AKT3: variants seen among roughly 807,000 people sequenced by gnomAD.
AKT3 encodes RAC-gamma serine/threonine-protein kinase.
AKT3 carries 15 observed loss-of-function variants against 65.3 expected under a neutral mutation model. The observed-to-expected ratio is 0.23, with a 90% CI of 0.15 to 0.35. The LOEUF (loss-of-function observed/expected upper bound fraction) is 0.35. AKT3 is among the 10% of genes least tolerant of loss of function. The pLI is 1.00. For missense variants in AKT3, 243 were observed against 576.5 expected (o/e 0.42, Z 5.92); for synonymous variants, 206 against 183.8 (o/e 1.12, Z -0.98).
At chr1:243,640,604 G>A (rs1680303779) in intron 5 of AKT3, among the ~76,000 whole-genome samples, 1 of 152,148 alleles carries the variant, frequency 6.6e-6, no homozygotes, top group South Asian at 2.1e-4. Flanking sequence ...GACCCTGGAA[G>A]ATAAATTACC....
At chr1:243,534,887 G>A (rs1040615613) in intron 12 of AKT3, among the ~76,000 whole-genome samples, 11 of 151,776 alleles carry the variant, frequency 7.2e-5, no homozygotes, top group African/African-American at 1.7e-4. Flanking sequence ...AGAAAAGATC[G>A]AAAACAAATA....
Position 243,771,034 on chromosome 1 carries a change from G to A in AKT3, c.46+72091C>T, listed in dbSNP as rs554265631. Among the ~76,000 whole-genome samples the A allele has an allele frequency of 7.2e-5, 11 of 152,296 alleles. No homozygotes were observed. The East Asian group carries it at 2.1e-3, about 29-fold the overall frequency. The stretch of plus-strand genomic sequence containing the variant: ...ATTTCAGGGAAAAAGGAAGAGGCTA[G>A]ATGTTCAAGCTAAATACTGCATTCA... On this transcript the variant is annotated intron_variant, in intron 2 of 13. Transcript: ENST00000673466.
At chr1:243,780,449 T>C (rs1379565778) in intron 2 of AKT3, among the ~76,000 whole-genome samples, 1 of 151,966 alleles carries the variant, frequency 6.6e-6, no homozygotes, top group Non-Finnish European at 1.5e-5. Context: ...ACCACTTTTG[T>C]TTCAGGAAAC....
chr1:243,604,359 C>A (rs1677237615), intron 8 of AKT3, among the ~76,000 whole-genome samples: 1 of 152,182 alleles, frequency 6.6e-6, no homozygotes. Context: ...TGCTCCACTG[C>A]CTTCATCTAA....
At chr1:243,743,643 T>C (rs1335034526) in intron 2 of AKT3, among the ~76,000 whole-genome samples, 1 of 152,168 alleles carries the variant, frequency 6.6e-6, no homozygotes, top group East Asian at 1.9e-4. Flanking sequence ...TGTCATAAAA[T>C]TTTTTTAGTA....
At chr1:243,777,022 G>C (rs1690596069) in intron 2 of AKT3, among the ~76,000 whole-genome samples, 1 of 152,152 alleles carries the variant, frequency 6.6e-6, no homozygotes. Flanking sequence ...GTTAAATAAA[G>C]TAAAACAAGG....
At position 243,600,072 on chromosome 1, in the gene AKT3, A is replaced by G. The variant is rs373141915; in HGVS notation, c.696+13599T>C. ...ACCATTTATAACTTAAAAACATAAAATAATTATAAAGTATCCCTAAGGATA... is the reference window on the plus strand; with the variant it reads ...ACCATTTATAACTTAAAAACATAAAGTAATTATAAAGTATCCCTAAGGATA... On this transcript the variant is annotated intron_variant, in intron 8 of 13. Transcript: ENST00000673466. 2.0e-3 allele frequency among the ~76,000 whole-genome samples: 307 copies of G among 152,264 alleles called. 1 individual carries two copies. Among genetic ancestry groups the G allele is most frequent in the Non-Finnish European group, 3.1e-3 (210 of 67,970 alleles).
At chr1:243,490,550 G>A (rs1441097904) in intron 13 of AKT3, among the ~76,000 whole-genome samples, 1 of 152,214 alleles carries the variant, frequency 6.6e-6, no homozygotes, top group Non-Finnish European at 1.5e-5. Context: ...CCCTGCCCCC[G>A]CTTCGGACAA....
chr1:243,503,604 T>C lies in AKT3; in HGVS notation c.*1645A>G, dbSNP rs1669477441. 1 of 233,032 alleles carries C rather than the reference T, an allele frequency of 4.3e-6. No homozygotes were observed. The allele number at this position is 233,032 out of a possible 1,614,324, so 14.4% of individuals were successfully genotyped here. ...ACCAAAGGGTTTAATCTGAAGATCA[T>C]CATTAATGAAGGAGAAAGATGAGGT... On this transcript the variant is annotated 3_prime_UTR_variant, in exon 14 of 14. Coordinates refer to ENST00000673466, the MANE Select transcript of AKT3 (RefSeq NM_005465.7).
intron 3 of AKT3, among the ~76,000 whole-genome samples, chr1:243,680,542 A>G (rs1683836911): frequency 6.6e-6 from 1 of 152,040 alleles, no homozygotes; most frequent in African/African-American, 2.4e-5. Context: ...CTTCCTCCCA[A>G]TGTGGCCTTA....
intron 2 of AKT3, among the ~76,000 whole-genome samples, chr1:243,782,710 G>A (rs373900844): frequency 2.0e-5 from 3 of 152,160 alleles, no homozygotes; most frequent in Admixed American, 6.6e-5. Context: ...GAACTGGGAC[G>A]ATTAGCGTAT....
At chr1:243,629,858 A>G (rs1051624955) in intron 6 of AKT3, among the ~76,000 whole-genome samples, 1 of 152,162 alleles carries the variant, frequency 6.6e-6, no homozygotes, top group African/African-American at 2.4e-5. Flanking sequence ...CTGGCCATTG[A>G]TATATTCCTC....
chr1:243,743,214 C>T (rs1434987964), intron 2 of AKT3, among the ~76,000 whole-genome samples: 1 of 152,106 alleles, frequency 6.6e-6, no homozygotes. Flanking sequence ...TGTAATTGGC[C>T]GGTAAACCTA....
At chr1:243,826,475 G>A (rs1201915320) in intron 2 of AKT3, among the ~76,000 whole-genome samples, 1 of 152,146 alleles carries the variant, frequency 6.6e-6, no homozygotes, top group Non-Finnish European at 1.5e-5. Context: ...CCCAGTTCTG[G>A]AAAAGTAAGT....
intron 13 of AKT3, among the ~76,000 whole-genome samples, chr1:243,508,141 C>T (rs1244007253): frequency 1.3e-5 from 2 of 152,152 alleles, no homozygotes; most frequent in East Asian, 3.9e-4. Flanking sequence ...TTCAAAGCTG[C>T]AAGAAAAAGG....
intron 2 of AKT3, among the ~76,000 whole-genome samples, chr1:243,828,765 G>A (rs913000685): frequency 1.3e-5 from 2 of 152,104 alleles, no homozygotes; most frequent in African/African-American, 4.8e-5. Flanking sequence ...AGTTGTGAGG[G>A]AGTCAAAAGT....
At chr1:243,580,543 C>T (rs1675262443) in intron 8 of AKT3, among the ~76,000 whole-genome samples, 1 of 152,182 alleles carries the variant, frequency 6.6e-6, no homozygotes, top group Admixed American at 6.5e-5. Flanking sequence ...AAAACACCTG[C>T]TCTGGAATGG....
At chr1:243,765,690 A>G (rs930140544) in intron 2 of AKT3, among the ~76,000 whole-genome samples, 2 of 152,196 alleles carry the variant, frequency 1.3e-5, no homozygotes, top group African/African-American at 4.8e-5. Flanking sequence ...AAACATTACT[A>G]AATTCTCCTT....
chr1:243,783,881 C>A (rs1691075072), intron 2 of AKT3, among the ~76,000 whole-genome samples: 1 of 151,844 alleles, frequency 6.6e-6, no homozygotes, highest in African/African-American at 2.4e-5. Context: ...ATAAATAAAC[C>A]CATGGGAAAA....
Sources: gnomAD v4.1 joint callset for allele counts (sites outside exome capture counted in the v4.1 genomes callset) on GRCh38, gnomAD v4.1.1 for gene constraint, MANE v1.5 for transcripts, NCBI Gene and HGNC (gene_info 2026-07-23, HGNC 2026-07-21) for gene names.